Variants in HS6ST3 observed in about 807,000 individuals in gnomAD.
HS6ST3 encodes heparan-sulfate 6-O-sulfotransferase 3.
A neutral mutation model predicts 36.7 loss-of-function variants in HS6ST3; 12 were observed. The observed-to-expected ratio is 0.33, with a 90% CI of 0.21 to 0.53. The LOEUF (loss-of-function observed/expected upper bound fraction) is 0.53. Among genes scored for constraint, HS6ST3 ranks in the 20% least tolerant of loss-of-function variants. The probability of loss-of-function intolerance (pLI) is 0.95; values close to 1 mark genes in which losing one functional copy is unlikely to be tolerated. For missense variants in HS6ST3, 584 were observed against 640.9 expected (o/e 0.91, Z 0.96); for synonymous variants, 240 against 257.5 (o/e 0.93, Z 0.65).
intron 1 of HS6ST3, among the ~76,000 whole-genome samples, chr13:96,266,743 T>A (rs1270369880): frequency 6.6e-6 from 1 of 152,216 alleles, no homozygotes; most frequent in Non-Finnish European, 1.5e-5. Flanking sequence ...CTTTAGACTT[T>A]AATGAGTCTT....
intron 1 of HS6ST3, among the ~76,000 whole-genome samples, chr13:96,160,344 T>C (rs1566896321): frequency 6.6e-6 from 1 of 152,216 alleles, no homozygotes; most frequent in Admixed American, 6.5e-5. Context: ...GTGAATACTT[T>C]GTTTATAATT....
At chr13:96,470,515 A>G (rs780379757) in intron 1 of HS6ST3, among the ~76,000 whole-genome samples, 1 of 152,068 alleles carries the variant, frequency 6.6e-6, no homozygotes, top group Non-Finnish European at 1.5e-5. Flanking sequence ...TCTGTGTCTC[A>G]TATCTGGAAT....
chr13:96,467,613 A>G (rs1395913436), intron 1 of HS6ST3, among the ~76,000 whole-genome samples: 3 of 152,188 alleles, frequency 2.0e-5, no homozygotes, highest in Non-Finnish European at 4.4e-5. Flanking sequence ...AAAGGAACAG[A>G]TATCTGTGCT....
intron 1 of HS6ST3, among the ~76,000 whole-genome samples, chr13:96,155,937 GA>G (rs2139325921): frequency 6.6e-6 from 1 of 152,146 alleles, no homozygotes; most frequent in African/African-American, 2.4e-5. Flanking sequence ...AGTGACCTTC[GA>G]AAGGCTCAGG....
At position 96,648,033 on chromosome 13, in the gene HS6ST3, A is replaced by G. The variant is rs534042497; in HGVS notation, c.708-184457A>G. 1.1e-3 allele frequency among the ~76,000 whole-genome samples: 166 copies of G among 152,162 alleles called. 1 individual carries two copies. The highest frequency in any genetic ancestry group is 3.9e-3 in the African/African-American group (164 of 41,538). On this transcript the variant is annotated intron_variant, in intron 1 of 1. Coordinates refer to ENST00000376705, the MANE Select transcript of HS6ST3 (RefSeq NM_153456.4). ...TGTTAGAAATGATTTCTCAAAATAT[A>G]TTTCATAAGTTTAGTGTTGATCTTT...
intron 1 of HS6ST3, among the ~76,000 whole-genome samples, chr13:96,521,578 G>A (rs938594714): frequency 2.0e-5 from 3 of 152,098 alleles, no homozygotes; most frequent in African/African-American, 7.2e-5. Flanking sequence ...GTTTAGTGTT[G>A]GGAGGGTGTA....
chr13:96,481,584 A>G (rs1390107968), intron 1 of HS6ST3, among the ~76,000 whole-genome samples: 1 of 152,076 alleles, frequency 6.6e-6, no homozygotes, highest in Non-Finnish European at 1.5e-5. Context: ...CTCTCCACCA[A>G]CCTCAAAACT....
At chr13:96,769,934 G>T (rs955064485) in intron 1 of HS6ST3, among the ~76,000 whole-genome samples, 1 of 152,118 alleles carries the variant, frequency 6.6e-6, no homozygotes, top group Non-Finnish European at 1.5e-5. Flanking sequence ...AGAATGAATT[G>T]CTCCTTAATG....
rs530595804 is a variant in HS6ST3, at chr13:96,599,793, T to A, written c.708-232697T>A. On this transcript the variant is annotated intron_variant, in intron 1 of 1. Transcript: ENST00000376705. ...GCATTATAAACTTTCCTCTTAATACTGCTTTCACTGTATCCCAGAGATTTG... is the reference window on the plus strand; with the variant it reads ...GCATTATAAACTTTCCTCTTAATACAGCTTTCACTGTATCCCAGAGATTTG... 5.3e-5 allele frequency among the ~76,000 whole-genome samples: 8 copies of A among 152,262 alleles called. No individual in the cohort carries two copies. The East Asian group carries it at 1.4e-3, about 26-fold the overall frequency.
chr13:96,636,095 C>G (rs1217107264), intron 1 of HS6ST3, among the ~76,000 whole-genome samples: 1 of 152,124 alleles, frequency 6.6e-6, no homozygotes, highest in Non-Finnish European at 1.5e-5. Flanking sequence ...CGATGAAACC[C>G]AGAGTCTTCC....
chr13:96,330,151 G>A (rs1462028606), intron 1 of HS6ST3, among the ~76,000 whole-genome samples: 2 of 138,222 alleles, frequency 1.4e-5, no homozygotes, highest in African/African-American at 5.4e-5. Flanking sequence ...GCCAGTCTGT[G>A]TCTTTTAATT....
chr13:96,380,425 C>T (rs1434935385), intron 1 of HS6ST3, among the ~76,000 whole-genome samples: 2 of 151,990 alleles, frequency 1.3e-5, no homozygotes, highest in African/African-American at 4.8e-5. Context: ...GCCACCATGC[C>T]TGGCTAATTT....
At chr13:96,277,303 T>C (rs970010441) in intron 1 of HS6ST3, among the ~76,000 whole-genome samples, 1 of 152,188 alleles carries the variant, frequency 6.6e-6, no homozygotes, top group African/African-American at 2.4e-5. Flanking sequence ...CCTCTGTCTT[T>C]GTCTTGTGTC....
chr13:96,555,483 A>C (rs2056237024), intron 1 of HS6ST3, among the ~76,000 whole-genome samples: 1 of 152,172 alleles, frequency 6.6e-6, no homozygotes, highest in Non-Finnish European at 1.5e-5. Flanking sequence ...AAGATAAGAT[A>C]GAGATATATA....
intron 1 of HS6ST3, among the ~76,000 whole-genome samples, chr13:96,595,695 C>T (rs1029927520): frequency 7.2e-5 from 11 of 151,802 alleles, no homozygotes; most frequent in South Asian, 2.1e-4. Flanking sequence ...GATGTTGTTT[C>T]ATGAATCCTT....
At chr13:96,540,072 A>G (rs901149031) in intron 1 of HS6ST3, among the ~76,000 whole-genome samples, 1 of 152,204 alleles carries the variant, frequency 6.6e-6, no homozygotes, top group Non-Finnish European at 1.5e-5. Flanking sequence ...CCCCATCTCT[A>G]CAGATAACTC....
intron 1 of HS6ST3, among the ~76,000 whole-genome samples, chr13:96,651,280 C>T (rs2056606202): frequency 6.6e-6 from 1 of 151,970 alleles, no homozygotes; most frequent in Non-Finnish European, 1.5e-5. Flanking sequence ...TAATATCATC[C>T]TCTTTTTCTG....
chr13:96,262,657 C>T (rs1483069786), intron 1 of HS6ST3, among the ~76,000 whole-genome samples: 2 of 152,154 alleles, frequency 1.3e-5, no homozygotes, highest in African/African-American at 4.8e-5. Context: ...AGTCCTTATT[C>T]AGCTAACCTG....
At chr13:96,792,339 G>C (rs1383182419) in intron 1 of HS6ST3, among the ~76,000 whole-genome samples, 1 of 151,890 alleles carries the variant, frequency 6.6e-6, no homozygotes, top group Non-Finnish European at 1.5e-5. Flanking sequence ...CACAGCCCTA[G>C]CACATCTTGA....
Sources: gnomAD v4.1 joint callset for allele counts (sites outside exome capture counted in the v4.1 genomes callset) on GRCh38, gnomAD v4.1.1 for gene constraint, MANE v1.5 for transcripts, NCBI Gene and HGNC (gene_info 2026-07-23, HGNC 2026-07-21) for gene names.